CFAP221: variants seen among roughly 807,000 people sequenced by gnomAD.
CFAP221 encodes cilia and flagella associated protein 221, also known as cilia- and flagella-associated protein 221.
Under a neutral mutation model 113.1 loss-of-function variants are expected in CFAP221, and 97 were observed. The ratio of observed to expected loss-of-function variants is 0.86; its 90% confidence interval spans 0.73 to 1.02. The LOEUF is 1.02. CFAP221 is among the 50% of genes least tolerant of loss of function. The probability of loss-of-function intolerance (pLI) is 0.00; values close to 1 mark genes in which losing one functional copy is unlikely to be tolerated. For synonymous variants in CFAP221, 331 were observed against 354.4 expected (o/e 0.93, Z 0.74); for missense variants, 1,025 against 1,013.4 (o/e 1.01, Z -0.16).
intron 7 of CFAP221, among the ~76,000 whole-genome samples, chr2:119,595,909 A>T (rs146316921): frequency 1.4e-4 from 21 of 152,028 alleles, no homozygotes; most frequent in African/African-American, 4.8e-4. Flanking sequence ...CAACCCACAC[A>T]GGGCTGCAAG....
In CFAP221 at chr2:119,594,242, A is replaced by T. The variant is rs553258128; in HGVS notation, c.632-6976A>T. 1.9e-4 allele frequency among the ~76,000 whole-genome samples: 27 copies of T among 144,990 alleles called. 1 individual carries two copies. In the South Asian group the frequency reaches 6.0e-3, roughly 32 times the overall value. On this transcript the variant is annotated intron_variant, in intron 7 of 23. Transcript: ENST00000413369. ...TGAGGTTGTCCTCTTTTTCATGTGT[A>T]TTTTTTTTTTTTGAAACAGAGTCTT... is the stretch of plus-strand genomic sequence containing the variant.
chr2:119,615,525 G>T (rs530485899), intron 13 of CFAP221, 86 bp from the exon 14 acceptor site: 240 of 974,078 alleles, frequency 2.5e-4, no homozygotes, highest in Non-Finnish European at 3.3e-4. Context: ...CTTGATTTGG[G>T]ATCAAACTCT....
At chr2:119,632,939 A>G (rs1387508366) in intron 19 of CFAP221, among the ~76,000 whole-genome samples, 2 of 152,128 alleles carry the variant, frequency 1.3e-5, no homozygotes, top group African/African-American at 4.8e-5. Flanking sequence ...AAAAATGTAT[A>G]AGACCAGTAC....
chr2:119,603,532 G>C (rs1684507861), intron 8 of CFAP221, among the ~76,000 whole-genome samples: 1 of 152,172 alleles, frequency 6.6e-6, no homozygotes, highest in Non-Finnish European at 1.5e-5. Flanking sequence ...ATGCAACCAG[G>C]CCTGTTCAGT....
chr2:119,562,918 G>A (rs1284197733), intron 6 of CFAP221, among the ~76,000 whole-genome samples: 3 of 152,146 alleles, frequency 2.0e-5, no homozygotes, highest in East Asian at 1.9e-4. Flanking sequence ...GTAGGAGGCC[G>A]AGGCAGAGGA....
intron 7 of CFAP221, among the ~76,000 whole-genome samples, chr2:119,599,597 G>A (rs1415310953): frequency 6.6e-6 from 1 of 152,152 alleles, no homozygotes; most frequent in Non-Finnish European, 1.5e-5. Flanking sequence ...CTGAGCCAGT[G>A]CACAGTGCAG....
chr2:119,611,517 T>A (rs1427263971), intron 12 of CFAP221, 136 bp from the exon 13 acceptor site: 5 of 651,908 alleles, frequency 7.7e-6, no homozygotes, highest in Non-Finnish European at 1.3e-5. Flanking sequence ...TTTTACCCAC[T>A]TGTGTTTCAC....
In CFAP221 at chr2:119,647,021, A is replaced by G. The variant is rs1174972573; in HGVS notation, c.2289A>G (p.Pro763=). Residue 763 remains proline, a synonymous_variant, in exon 22 of 24, where the codon CCA becomes CCG. Transcript: ENST00000413369. ...TCCCTGCCATCCTTGATGCCTTACCAGAAGAGGACAGACTAGAAACAGTAG... is the reference window on the plus strand; with the variant it reads ...TCCCTGCCATCCTTGATGCCTTACCGGAAGAGGACAGACTAGAAACAGTAG... ...IDVPAILDAL[P]EEDRLETVER... 1.2e-6 allele frequency: 2 copies of G among 1,611,612 alleles called. No homozygotes were observed. Among genetic ancestry groups the G allele is most frequent in the Non-Finnish European group, 1.7e-6 (2 of 1,179,068 alleles).
In CFAP221 at chr2:119,576,186, C is replaced by A. The variant is rs542466280; in HGVS notation, c.528-10933C>A. 7.9e-5 allele frequency among the ~76,000 whole-genome samples: 12 copies of A among 152,284 alleles called. No homozygotes were observed. In the South Asian group the frequency reaches 2.1e-3, roughly 26 times the overall value. On this transcript the variant is annotated intron_variant, in intron 6 of 23. Transcript: ENST00000413369. ...AAGTTTTATTTGGGAATTTTAACTTCATTTCTTTTCCTTCAACTTTTATTT... is the reference window on the plus strand; with the variant it reads ...AAGTTTTATTTGGGAATTTTAACTTAATTTCTTTTCCTTCAACTTTTATTT...
intron 15 of CFAP221, 127 bp from the exon 16 acceptor site, chr2:119,627,518 GATATATAT>G (rs57740311): frequency 0.17 from 76,837 of 445,854 alleles, 72 homozygotes; most frequent in Middle Eastern, 0.21. Flanking sequence ...AGTAAAAGTG[GATATATAT>G]ATATATATAT....
chr2:119,609,080 G>A (rs1040464573), intron 12 of CFAP221, among the ~76,000 whole-genome samples: 3 of 152,192 alleles, frequency 2.0e-5, no homozygotes, highest in Non-Finnish European at 2.9e-5. Context: ...TGAGGGGAGT[G>A]GGACCACACC....
Position 119,652,045 on chromosome 2 carries a change from A to G in CFAP221, c.2390A>G (p.Asn797Ser). Residue 797 changes from asparagine (N) to serine (S), a missense_variant, in exon 23 of 24, where the codon AAC becomes AGC. Asn to Ser is a conservative substitution (Grantham distance 46, BLOSUM62 1). Coordinates refer to ENST00000413369, the MANE Select transcript of CFAP221 (RefSeq NM_001271049.2). ...ATCAAAGTGGAATTCCCTATGTTGA[A>G]CTACAAGGACATCAGGAAGGAGAAG... is the stretch of plus-strand genomic sequence containing the variant. Reference protein sequence around the residue: ...EMIKVEFPMLNYKDIRKEKEV... With the variant: ...EMIKVEFPMLSYKDIRKEKEV... The G allele has an allele frequency of 6.2e-7, 1 of 1,612,304 alleles. No homozygotes were observed. Among genetic ancestry groups the G allele is most frequent in the Non-Finnish European group, 8.5e-7 (1 of 1,178,826 alleles).
At chr2:119,574,146 C>T (rs1193896555) in intron 6 of CFAP221, among the ~76,000 whole-genome samples, 1 of 152,192 alleles carries the variant, frequency 6.6e-6, no homozygotes, top group Non-Finnish European at 1.5e-5. Context: ...TGCTCTCCTC[C>T]CCTAGACTTT....
intron 1 of CFAP221, 41 bp from the exon 2 acceptor site, chr2:119,546,044 G>C (rs1346739014): frequency 7.4e-7 from 1 of 1,358,308 alleles, no homozygotes; most frequent in African/African-American, 1.5e-5. Context: ...AATGTGCGTG[G>C]TTTCTCATGG....
At chr2:119,630,736 A>AAACTAACGTGCTG (rs1686714737) in intron 18 of CFAP221, 31 bp from the exon 19 acceptor site, 1 of 1,607,982 alleles carries the variant, frequency 6.2e-7, no homozygotes, top group South Asian at 1.1e-5. Flanking sequence ...CCTGGCATCA[A>AAACTAACGTGCTG]AACTAACGTG....
At chr2:119,597,499 A>C (rs562578038) in intron 7 of CFAP221, among the ~76,000 whole-genome samples, 11 of 152,352 alleles carry the variant, frequency 7.2e-5, no homozygotes, top group African/African-American at 2.4e-4. Flanking sequence ...TTGTTTACCC[A>C]AAGTCACCAA....
intron 19 of CFAP221, among the ~76,000 whole-genome samples, chr2:119,633,516 G>A (rs1215836130): frequency 6.6e-6 from 1 of 151,716 alleles, no homozygotes; most frequent in Non-Finnish European, 1.5e-5. Context: ...AAAGGAAACA[G>A]TCAACAGAAT....
chr2:119,627,530 T>G lies in CFAP221; in HGVS notation c.1517-123T>G. ...GACAGTAAAAGTGGATATATATATATATATATATATATATACACACCCACC... is the reference window on the plus strand; with the variant it reads ...GACAGTAAAAGTGGATATATATATAGATATATATATATATACACACCCACC... On this transcript the variant is annotated intron_variant, in intron 15 of 23. Coordinates refer to ENST00000413369, the MANE Select transcript of CFAP221 (RefSeq NM_001271049.2). 3 of 581,646 alleles carry G rather than the reference T, an allele frequency of 5.2e-6. No individual in the cohort carries two copies. The African/African-American group carries it at 5.9e-5, about 11-fold the overall frequency. 36.0% of individuals were successfully genotyped at this position (581,646 alleles called of 1,614,324 possible). A position where few individuals can be genotyped will look rare whatever the true frequency, so the allele number is the denominator to read the frequency against.
chr2:119,553,249 G>T (rs891152761), intron 3 of CFAP221, among the ~76,000 whole-genome samples: 1 of 152,164 alleles, frequency 6.6e-6, no homozygotes, highest in South Asian at 2.1e-4. Context: ...AGTAGGAAGT[G>T]GGGAGAAGGG....
Sources: allele counts gnomAD v4.1 joint callset (sites outside exome capture counted in the v4.1 genomes callset), GRCh38; gene constraint gnomAD v4.1.1; transcripts MANE v1.5; gene names NCBI Gene and HGNC (gene_info 2026-07-23, HGNC 2026-07-21).